MYH6: variants seen among roughly 807,000 people sequenced by gnomAD.
MYH6 encodes myosin-6.
MYH6 carries 126 observed loss-of-function variants against 223.2 expected under a neutral mutation model. The ratio of observed to expected loss-of-function variants is 0.56; its 90% CI spans 0.49 to 0.65. The LOEUF is 0.65. MYH6 is among the 30% of genes least tolerant of loss of function. The pLI is 0.00. For missense variants in MYH6, 2,040 were observed against 2,536.4 expected (o/e 0.80, Z 4.20); for synonymous variants, 978 against 1,010.2 (o/e 0.97, Z 0.61).
Position 23,384,982 on chromosome 14 carries a change from C to G in MYH6, c.5223G>C (p.Ser1741=), listed in dbSNP as rs368828361. Residue 1741 remains serine, a synonymous_variant, in exon 35 of 39, where the codon TCG becomes TCC. Coordinates refer to ENST00000405093, the MANE Select transcript of MYH6 (RefSeq NM_002471.4). ...ACTCCTGCACTGCCTCCTCCACTTC[C>G]GACTGGAGCTGGGTCAGATCCGACT... is the stretch of plus-strand genomic sequence containing the variant. ...KMESDLTQLQ[S]EVEEAVQECR... 1.2e-6 allele frequency: 2 copies of G among 1,614,242 alleles called. No homozygotes were observed. The highest frequency in any genetic ancestry group is 2.2e-5 in the South Asian group (2 of 91,084).
rs372271367 is a variant in MYH6 at position 23,405,169 on chromosome 14, G to T, written c.503-42C>A. On this transcript the variant is annotated intron_variant, in intron 5 of 38. Coordinates refer to ENST00000405093, the MANE Select transcript of MYH6 (RefSeq NM_002471.4). This position sits in a 1 kb window ranked among gnomAD's most constrained non-coding sequence, Gnocchi z 4.7. ...GAGAAGCAATGGGGTCAGGGCTGAG[G>T]ATCTGGGTGGGTGTCTGGGAGGAGG... The T allele has an allele frequency of 6.2e-7, 1 of 1,613,934 alleles. No individual in the cohort carries two copies. Among genetic ancestry groups the T allele is most frequent in the South Asian group, 1.1e-5 (1 of 91,076 alleles).
At position 23,407,658 on chromosome 14, in the gene MYH6, G is replaced by T; in HGVS notation, c.-46-50C>A. On this transcript the variant is annotated intron_variant, in intron 1 of 38. Transcript: ENST00000405093. The surrounding 1 kb of genome is among the most constrained non-coding windows in gnomAD (Gnocchi z 5.6). ...CAACAGAGGTAGAGCCGGGCAGAGA[G>T]AAGAACAGATGAGGAGAGTGAAGAA... 1.8e-6 allele frequency: 2 copies of T among 1,104,032 alleles called. No individual in the cohort carries two copies. Among genetic ancestry groups the T allele is most frequent in the Non-Finnish European group, 2.2e-6 (2 of 899,966 alleles). 68.4% of individuals were successfully genotyped at this position (1,104,032 alleles called of 1,614,324 possible).
intron 15 of MYH6, among the ~76,000 whole-genome samples, chr14:23,398,183 A>G (rs1303668479): frequency 6.6e-6 from 1 of 151,634 alleles, no homozygotes; most frequent in Non-Finnish European, 1.5e-5. Context: ...ACGCCAGGCT[A>G]ATTTTTGTAT....
chr14:23,383,373 AC>A, intron 36 of MYH6, 53 bp from the exon 37 acceptor site: 3 of 1,350,256 alleles, frequency 2.2e-6, no homozygotes, highest in Non-Finnish European at 3.1e-6. Flanking sequence ...AAATGCAATC[AC>A]CTTTCCCTCC....
chr14:23,399,375 G>A (rs1033984585), intron 14 of MYH6, among the ~76,000 whole-genome samples: 2 of 152,150 alleles, frequency 1.3e-5, no homozygotes, highest in East Asian at 1.9e-4. Context: ...CAGAGGCACC[G>A]GGCCAGGCTC....
chr14:23,387,377 A>G, intron 32 of MYH6, 152 bp downstream of exon 32: 1 of 1,242,480 alleles, frequency 8.0e-7, no homozygotes. Flanking sequence ...CTTTGGAGGC[A>G]GTCATGGGTA....
intron 23 of MYH6, 43 bp from the exon 24 acceptor site, chr14:23,393,100 A>G: frequency 1.9e-6 from 3 of 1,613,082 alleles, no homozygotes; most frequent in Non-Finnish European, 2.5e-6. Flanking sequence ...AAAACATGAA[A>G]TCCATAGTGT....
At chr14:23,387,951 GC>G in intron 30 of MYH6, 28 bp from the exon 31 acceptor site, 2 of 1,611,866 alleles carry the variant, frequency 1.2e-6, no homozygotes, top group East Asian at 4.5e-5. Flanking sequence ...TCACTCTTCA[GC>G]CCCCCAGCCT....
At position 23,393,523 on chromosome 14, in the gene MYH6, C is replaced by A. The variant is rs770004037; in HGVS notation, c.2929-5G>T. The A allele has an allele frequency of 6.2e-7, 1 of 1,613,986 alleles. No homozygotes were observed. The highest frequency in any genetic ancestry group is 8.5e-7 in the Non-Finnish European group (1 of 1,180,022). ...CTCCTCTGTTAGGTTCTTCACCTGC[C>A]GACCAAAAACCCATCCCCTTTAGGG... is the stretch of plus-strand genomic sequence containing the variant. On this transcript the variant is annotated splice_polypyrimidine_tract_variant and splice_region_variant and intron_variant, in intron 22 of 38. Transcript: ENST00000405093.
chr14:23,383,212 G>C lies in MYH6; in HGVS notation c.5661+13C>G. 1 of 1,606,896 alleles carries C rather than the reference G, an allele frequency of 6.2e-7. No homozygotes were observed. On this transcript the variant is annotated intron_variant, in intron 37 of 38. Transcript: ENST00000405093. ...GTGTGTTGATGAGAAAGGGAAGAAAGCTCTGAACTCACCGCCTCCTCGGCC... is the reference window on the plus strand; with the variant it reads ...GTGTGTTGATGAGAAAGGGAAGAAACCTCTGAACTCACCGCCTCCTCGGCC...
Position 23,384,502 on chromosome 14 carries a change from G to C in MYH6, c.5505C>G (p.Asn1835Lys), listed in dbSNP as rs549746895. The C allele has an allele frequency of 1.2e-6, 2 of 1,613,168 alleles. No homozygotes were observed. Among genetic ancestry groups the C allele is most frequent in the Admixed American group, 1.7e-5 (1 of 60,030 alleles). ...EGELEAEQKR[N>K]AESVKGMRKS... ...TCCTCATGCCCTTCACCGACTCTGCGTTGCGCTTCTGCTCGGCCTCCAGCT... is the reference window on the plus strand; with the variant it reads ...TCCTCATGCCCTTCACCGACTCTGCCTTGCGCTTCTGCTCGGCCTCCAGCT... The change falls in exon 36 of 39, where the codon AAC becomes AAG. Residue 1835 changes from asparagine to lysine, a missense_variant. Around this residue, in one of 4 missense-constraint regions of MYH6, gnomAD observed 1,203 missense variants for 1,400.2 expected, o/e 0.86. Transcript: ENST00000405093.
intron 37 of MYH6, 84 bp from the exon 38 acceptor site, chr14:23,382,646 C>T: frequency 6.2e-7 from 1 of 1,607,390 alleles, no homozygotes; most frequent in South Asian, 1.1e-5. Context: ...TTCCAGCTCC[C>T]TGTCCCTGAG....
In MYH6 at chr14:23,405,322, T is replaced by G. The variant is rs1347549938; in HGVS notation, c.403A>C (p.Asn135His). Reference protein sequence around the residue: ...VNPYKWLPVYNAEVVAAYRGK... With the variant: ...VNPYKWLPVYHAEVVAAYRGK... Reference sequence around the variant, plus strand: ...CGGTAGGCGGCCACCACCTCGGCATTGTACACCGGCAGCCACTTGTAGGGG... The same window carrying G: ...CGGTAGGCGGCCACCACCTCGGCATGGTACACCGGCAGCCACTTGTAGGGG... The change falls in exon 5 of 39, where the codon AAT becomes CAT. Residue 135 changes from asparagine to histidine, a missense_variant. By Grantham distance (68) the Asn-to-His change is moderately conservative. This residue lies in a region of MYH6 where 184 missense variants were observed against 232.4 expected (regional missense o/e 0.79). Transcript: ENST00000405093. The surrounding 1 kb of genome is among the most constrained non-coding windows in gnomAD (Gnocchi z 4.7). 1 of 1,614,130 alleles carries G rather than the reference T, an allele frequency of 6.2e-7. No individual in the cohort carries two copies. Among genetic ancestry groups the G allele is most frequent in the Non-Finnish European group, 8.5e-7 (1 of 1,179,998 alleles).
At chr14:23,396,624 C>T in intron 19 of MYH6, 70 bp downstream of exon 19, 2 of 1,613,098 alleles carry the variant, frequency 1.2e-6, no homozygotes, top group East Asian at 2.2e-5. Flanking sequence ...CTTCTGCCTC[C>T]TAAACTCCTC....
At chr14:23,388,398 G>A in intron 29 of MYH6, 60 bp from the exon 30 acceptor site, 2 of 1,603,288 alleles carry the variant, frequency 1.2e-6, no homozygotes, top group South Asian at 1.1e-5. Context: ...TGGAGCCTTG[G>A]GTGGACCTCC....
At chr14:23,406,908 C>G (rs1891805179) in intron 3 of MYH6, 115 bp downstream of exon 3, 1 of 1,145,534 alleles carries the variant, frequency 8.7e-7, no homozygotes, top group Non-Finnish European at 1.3e-6. Flanking sequence ...TCCTGGCATC[C>G]CCACTGGCCT....
chr14:23,393,448 G>C lies in MYH6; in HGVS notation c.2999C>G (p.Ala1000Gly). 1 of 1,614,120 alleles carries C rather than the reference G, an allele frequency of 6.2e-7. No individual in the cohort carries two copies. The highest frequency in any genetic ancestry group is 1.1e-5 in the South Asian group (1 of 91,074). ...IIAKLTKEKK[A>G]LQEAHQQALD... ...GGCCTGCTGATGGGCCTCTTGTAGAGCTTTCTTCTCCTTGGTCAGCTTAGC... is the reference window on the plus strand; with the variant it reads ...GGCCTGCTGATGGGCCTCTTGTAGACCTTTCTTCTCCTTGGTCAGCTTAGC... The change falls in exon 23 of 39, where the codon GCT (alanine) becomes GGT (glycine). Residue 1000 changes from alanine to glycine, a missense_variant. Physicochemically the swap from Ala to Gly is moderately conservative, Grantham distance 60. This residue lies in a region of MYH6 where 1,203 missense variants were observed against 1,400.2 expected (regional missense o/e 0.86). Transcript: ENST00000405093.
At chr14:23,399,995 CA>C (rs1402425473) in intron 14 of MYH6, 39 of 548,248 alleles carry the variant, frequency 7.1e-5, no homozygotes, top group Non-Finnish European at 6.8e-5. Flanking sequence ...TCAGAGGGGC[CA>C]GGGGCCTCTC....
Position 23,393,852 on chromosome 14 carries a change from CTTGTTTTTGATCAGCTG to C in MYH6, c.2725_2741del (p.Gln909AspfsTer12). ...CCTTTACTTTGGCCTCCAGCTGAATCTTGTTTTTGATCAGCTGGTCGCAGCGCTCCTCAGCATCATTG... is the reference window on the plus strand; with the variant it reads ...CCTTTACTTTGGCCTCCAGCTGAATCGTCGCAGCGCTCCTCAGCATCATTG... On this transcript the variant is annotated frameshift_variant, in exon 22 of 39. Transcript: ENST00000405093. LOFTEE classifies it high-confidence loss of function. 1 of 1,614,218 alleles carries C rather than the reference CTTGTTTTTGATCAGCTG, an allele frequency of 6.2e-7. No homozygotes were observed. The highest frequency in any genetic ancestry group is 1.1e-5 in the South Asian group (1 of 91,080).
Sources: allele counts gnomAD v4.1 joint callset (sites outside exome capture counted in the v4.1 genomes callset), GRCh38; gene constraint gnomAD v4.1.1; regional missense constraint gnomAD v4.1.1; non-coding constraint Gnocchi (gnomAD v3.1); transcripts MANE v1.5; gene names NCBI Gene and HGNC (gene_info 2026-07-23, HGNC 2026-07-21).